Variants in CCDC93 observed in about 807,000 individuals in gnomAD.
CCDC93 encodes CCC complex scaffolding subunit CCDC93, also known as coiled-coil domain-containing protein 93.
Under a neutral mutation model 108.2 loss-of-function variants are expected in CCDC93, and 61 were observed. That is an observed-to-expected ratio of 0.56 (90% CI 0.46 to 0.70). The LOEUF (loss-of-function observed/expected upper bound fraction) is 0.70, where lower values mean the gene tolerates loss of function less well. Ranked by LOEUF, CCDC93 falls within the 30% of genes least tolerant of loss-of-function variation. CCDC93 has a pLI of 0.00. For missense variants in CCDC93, 685 were observed against 764.2 expected, an observed-to-expected ratio of 0.90 and a Z score of 1.22; for synonymous variants, 276 against 260.4, an observed-to-expected ratio of 1.06 and a Z score of -0.58.
intron 18 of CCDC93, among the ~76,000 whole-genome samples, chr2:117,941,822 G>GGAGGCATGGCACTGCTGTGTGGT (rs1678710665): frequency 6.6e-6 from 1 of 152,206 alleles, no homozygotes; most frequent in African/African-American, 2.4e-5. Context: ...ACCGGGTCTG[G>GGAGGCATGGCACTGCTGTGTGGT]GAGGCATGGC....
intron 20 of CCDC93, among the ~76,000 whole-genome samples, chr2:117,937,379 A>G (rs981943283): frequency 2.6e-5 from 4 of 152,182 alleles, no homozygotes; most frequent in African/African-American, 9.7e-5. Context: ...AAACTACTCA[A>G]TTTGGGGCCT....
In CCDC93 at chr2:117,917,789, G is replaced by A. The variant is rs1677731938; in HGVS notation, c.*2554C>T. On this transcript the variant is annotated 3_prime_UTR_variant, in exon 24 of 24. Coordinates refer to ENST00000376300, the MANE Select transcript of CCDC93 (RefSeq NM_019044.5). Reference sequence around the variant, plus strand: ...ACAGCTCTGATCGCGGCTTAAAGCAGAGCAGTCCCATGTACTCCATAAGAA... The same window carrying A: ...ACAGCTCTGATCGCGGCTTAAAGCAAAGCAGTCCCATGTACTCCATAAGAA... 1 of 152,236 alleles carries A rather than the reference G, an allele frequency of 6.6e-6. No individual in the cohort carries two copies. Among genetic ancestry groups the A allele is most frequent in the Admixed American group, 6.5e-5 (1 of 15,280 alleles). 9.4% of individuals were successfully genotyped at this position (152,236 alleles called of 1,614,324 possible).
At chr2:117,961,228 G>A (rs964130605) in intron 11 of CCDC93, among the ~76,000 whole-genome samples, 3 of 151,962 alleles carry the variant, frequency 2.0e-5, no homozygotes, top group African/African-American at 7.3e-5. Context: ...GAGAGAAAAT[G>A]CTCGCAATGC....
rs1679792700 is a variant in CCDC93, at chr2:117,972,338, CAG to C, written c.888+1568_888+1569del. Among the ~76,000 whole-genome samples, 3 of 152,286 alleles carry C rather than the reference CAG, an allele frequency of 2.0e-5. No individual in the cohort carries two copies. In the South Asian group the frequency reaches 6.2e-4, roughly 32 times the overall value. On this transcript the variant is annotated intron_variant, in intron 11 of 23. Transcript: ENST00000376300. ...GACAGATAAACCAGAATGTATCCATCAGAGTTGGATAGAGATCACTGGTCAAG... is the reference window on the plus strand; with the variant it reads ...GACAGATAAACCAGAATGTATCCATCAGTTGGATAGAGATCACTGGTCAAG...
intron 11 of CCDC93, among the ~76,000 whole-genome samples, chr2:117,967,672 G>A (rs1383574376): frequency 6.6e-6 from 1 of 152,176 alleles, no homozygotes; most frequent in Non-Finnish European, 1.5e-5. Context: ...CTCAAACCTG[G>A]AACTTATTAG....
At chr2:117,980,774 C>A (rs1680092987) in intron 7 of CCDC93, among the ~76,000 whole-genome samples, 1 of 152,166 alleles carries the variant, frequency 6.6e-6, no homozygotes, top group African/African-American at 2.4e-5. Flanking sequence ...CTATGTTGTG[C>A]AACCATCGCT....
intron 7 of CCDC93, 22 bp from the exon 8 acceptor site, chr2:117,978,052 TTTAA>T (rs1279168377): frequency 1.1e-5 from 18 of 1,610,312 alleles, no homozygotes; most frequent in Non-Finnish European, 1.5e-5. Context: ...AAAAAAGGAG[TTTAA>T]TTACTACTTA....
intron 20 of CCDC93, among the ~76,000 whole-genome samples, chr2:117,937,992 A>G (rs374289446): frequency 9.2e-5 from 14 of 152,364 alleles, no homozygotes; most frequent in African/African-American, 3.4e-4. Context: ...TAAAAGATAC[A>G]TTTGTAATAT....
intron 15 of CCDC93, among the ~76,000 whole-genome samples, chr2:117,947,518 C>T (rs13000867): frequency 0.97 from 147,587 of 152,228 alleles, 71,727 homozygotes; most frequent in Middle Eastern, 1. Context: ...ATGATGTTAC[C>T]CTTTTCACAA....
chr2:117,996,816 A>G (rs1448233833), intron 4 of CCDC93: 1 of 154,274 alleles, frequency 6.5e-6, no homozygotes, highest in Non-Finnish European at 1.4e-5. Flanking sequence ...CAGACCAGGG[A>G]AAAGGGAGAG....
intron 4 of CCDC93, 169 bp downstream of exon 4, chr2:118,000,642 CAGGACTGGCA>C (rs1355760852): frequency 3.5e-6 from 2 of 566,002 alleles, no homozygotes; most frequent in Non-Finnish European, 6.3e-6. Flanking sequence ...AGAGTATATG[CAGGACTGGCA>C]ATCTTCTGAA....
rs1558774051 is a variant in CCDC93 at position 117,941,247 on chromosome 2, G to T, written c.1464C>A (p.Val488=). The T allele has an allele frequency of 1.2e-6, 2 of 1,614,040 alleles. No homozygotes were observed. Among genetic ancestry groups the T allele is most frequent in the Non-Finnish European group, 1.7e-6 (2 of 1,179,944 alleles). ...IAILHRKIDE[V]PSRAELIQYQ... is the part of the protein sequence containing the mutation. ...ACTGTATTAGCTCGGCACGGCTAGG[G>T]ACTTCATCAATCTTGCGGTGCAAAA... Residue 488 remains valine (V), a synonymous_variant, in exon 19 of 24, where the codon GTC becomes GTA. Transcript: ENST00000376300.
rs1204972640 is a variant in CCDC93, at chr2:117,947,902, GCC to G, written c.1224+201_1224+202del. 230 of 500,288 alleles carry G rather than the reference GCC, an allele frequency of 4.6e-4. No homozygotes were observed. In the East Asian group the frequency reaches 8.5e-3, roughly 18 times the overall value. The allele number at this position is 500,288 out of a possible 1,614,324, so 31.0% of individuals were successfully genotyped here. ...GTAGAGACGGGGTTTCACAGTGTTA[GCC>G]AGGATGGTCTCGATCTCCTGACCTC... On this transcript the variant is annotated intron_variant, in intron 15 of 23. Transcript: ENST00000376300.
At chr2:118,006,655 C>G in intron 3 of CCDC93, 67 bp downstream of exon 3, 1 of 867,898 alleles carries the variant, frequency 1.2e-6, no homozygotes, top group Middle Eastern at 2.2e-4. Flanking sequence ...CAACTTCTGG[C>G]ACACAGTAGA....
intron 2 of CCDC93, among the ~76,000 whole-genome samples, chr2:118,007,387 TAAGG>T (rs1351449019): frequency 2.6e-5 from 4 of 152,174 alleles, no homozygotes; most frequent in African/African-American, 9.7e-5. Context: ...AAAATAACAA[TAAGG>T]CTGGGCGCGG....
chr2:117,923,875 AC>A (rs202078158), intron 23 of CCDC93, among the ~76,000 whole-genome samples: 3,638 of 152,196 alleles, frequency 0.024, 59 homozygotes, highest in Non-Finnish European at 0.027. Context: ...TGGGAGGCAC[AC>A]CCCAGTAGGG....
chr2:117,988,141 T>G (rs574950497), intron 6 of CCDC93, among the ~76,000 whole-genome samples: 10 of 150,688 alleles, frequency 6.6e-5, no homozygotes, highest in African/African-American at 2.5e-4. Context: ...ATATATGTAT[T>G]TATTTTATTT....
At chr2:117,933,327 C>T (rs201420963) in intron 22 of CCDC93, among the ~76,000 whole-genome samples, 1 of 109,100 alleles carries the variant, frequency 9.2e-6, no homozygotes, top group Non-Finnish European at 2.1e-5. Flanking sequence ...CAGGAGTTGA[C>T]TCTTTGATTT....
chr2:117,997,970 A>G (rs770507950), intron 4 of CCDC93: 1 of 152,260 alleles, frequency 6.6e-6, no homozygotes, highest in Non-Finnish European at 1.5e-5. Flanking sequence ...GCATGATCCC[A>G]TTATGAAGGG....
Sources: allele counts gnomAD v4.1 joint callset (sites outside exome capture counted in the v4.1 genomes callset), GRCh38; gene constraint gnomAD v4.1.1; transcripts MANE v1.5; gene names NCBI Gene and HGNC (gene_info 2026-07-23, HGNC 2026-07-21).